The following SYT16 variants were observed in gnomAD, a reference collection of about 807,000 sequenced individuals.
SYT16 encodes synaptotagmin-16.
SYT16 carries 42 observed loss-of-function variants against 61.4 expected under a neutral mutation model. The ratio of observed to expected loss-of-function variants is 0.68; its 90% confidence interval spans 0.53 to 0.89. The LOEUF (loss-of-function observed/expected upper bound fraction) is 0.89, where lower values mean the gene tolerates loss of function less well. Ranked by LOEUF, SYT16 falls within the 40% of genes least tolerant of loss-of-function variation. SYT16 has a pLI of 0.00. For missense variants in SYT16, 804 were observed against 807.3 expected (o/e 1.00, Z 0.05); for synonymous variants, 314 against 302.3 (o/e 1.04, Z -0.40).
intron 1 of SYT16, among the ~76,000 whole-genome samples, chr14:61,945,948 C>G (rs986893584): frequency 7.0e-6 from 1 of 142,262 alleles, no homozygotes; most frequent in African/African-American, 2.5e-5. Flanking sequence ...TCTCAGCAAA[C>G]TAACACATGA....
intron 1 of SYT16, among the ~76,000 whole-genome samples, chr14:61,867,669 C>T (rs1486035952): frequency 6.6e-6 from 1 of 152,004 alleles, no homozygotes; most frequent in African/African-American, 2.4e-5. Context: ...CTATTTACAT[C>T]AGCATAAGAA....
chr14:62,085,313 T>C (rs1443147188), intron 7 of SYT16, among the ~76,000 whole-genome samples: 1 of 152,160 alleles, frequency 6.6e-6, no homozygotes, highest in Non-Finnish European at 1.5e-5. Context: ...ATACACCTAA[T>C]TGGAGGACTT....
At chr14:62,055,731 G>C (rs906623832) in intron 3 of SYT16, among the ~76,000 whole-genome samples, 13 of 152,196 alleles carry the variant, frequency 8.5e-5, no homozygotes, top group African/African-American at 3.1e-4. Flanking sequence ...AGGTGTATTA[G>C]TCAGGGTCCT....
chr14:62,028,526 C>G (rs1009685830), intron 3 of SYT16, among the ~76,000 whole-genome samples: 6 of 152,150 alleles, frequency 3.9e-5, no homozygotes, highest in African/African-American at 1.4e-4. Flanking sequence ...TCTCTCTATA[C>G]AGAATTAACT....
Position 62,084,177 on chromosome 14 carries a change from T to C in SYT16, c.1435-19T>C. 2.5e-6 allele frequency: 4 copies of C among 1,609,256 alleles called. No homozygotes were observed. The highest frequency in any genetic ancestry group is 3.4e-6 in the Non-Finnish European group (4 of 1,178,684). On this transcript the variant is annotated intron_variant, in intron 6 of 7. Transcript: ENST00000683842. Reference sequence around the variant, plus strand: ...GTGCAGCGTGGGCCAATGGATTCTTTGTTGTTCTTCCCCTCCAGAGTGGAG... The same window carrying C: ...GTGCAGCGTGGGCCAATGGATTCTTCGTTGTTCTTCCCCTCCAGAGTGGAG...
rs545245751 is a variant in SYT16, at chr14:61,918,418, G to T, written c.-324-51714G>T. Among the ~76,000 whole-genome samples, 12 of 152,198 alleles carry T rather than the reference G, an allele frequency of 7.9e-5. No individual in the cohort carries two copies. The South Asian group carries it at 2.3e-3, about 29-fold the overall frequency. On this transcript the variant is annotated intron_variant, in intron 1 of 7. Transcript: ENST00000683842. Reference sequence around the variant, plus strand: ...AGGTGGTGATGGCTGCAAACACCTGGAAGAAAAGAGGGGAAATACAGAAGA... The same window carrying T: ...AGGTGGTGATGGCTGCAAACACCTGTAAGAAAAGAGGGGAAATACAGAAGA...
chr14:61,938,418 T>C (rs1469566944), intron 1 of SYT16, among the ~76,000 whole-genome samples: 2 of 151,980 alleles, frequency 1.3e-5, no homozygotes, highest in African/African-American at 4.8e-5. Context: ...ACAGTTCACC[T>C]TCAGGGTTGG....
At chr14:62,062,614 G>A (rs1331748451) in intron 3 of SYT16, among the ~76,000 whole-genome samples, 1 of 152,090 alleles carries the variant, frequency 6.6e-6, no homozygotes, top group East Asian at 1.9e-4. Flanking sequence ...GCCAGATTGT[G>A]CTTTTAGAAA....
intron 1 of SYT16, among the ~76,000 whole-genome samples, chr14:61,817,012 CA>C (rs2045458765): frequency 8.1e-6 from 1 of 124,020 alleles, no homozygotes; most frequent in Non-Finnish European, 1.8e-5. Context: ...CTCCGTCACA[CA>C]CACACACACA....
intron 1 of SYT16, among the ~76,000 whole-genome samples, chr14:61,842,764 G>A (rs1360103721): frequency 2.6e-5 from 4 of 151,220 alleles, no homozygotes; most frequent in Non-Finnish European, 3.0e-5. Context: ...ATCACACACC[G>A]GGGACTGTTA....
intron 3 of SYT16, among the ~76,000 whole-genome samples, chr14:62,049,320 A>G (rs1399750615): frequency 2.6e-5 from 4 of 151,738 alleles, no homozygotes; most frequent in African/African-American, 9.7e-5. Context: ...TTTGTTTTCC[A>G]TTTGCTTGGT....
chr14:62,110,109 C>G lies in SYT16; in HGVS notation c.*9402C>G, dbSNP rs529374294. 1 of 152,080 alleles carries G rather than the reference C, an allele frequency of 6.6e-6. No homozygotes were observed. Among genetic ancestry groups the G allele is most frequent in the Non-Finnish European group, 1.5e-5 (1 of 67,990 alleles). The allele number at this position is 152,080 out of a possible 1,614,324, so 9.4% of individuals were successfully genotyped here. ...CTTCTGACTGCCCTTTGCTTTGTAG[C>G]TACAGCAACTTGCAGAACCTGGCAT... On this transcript the variant is annotated 3_prime_UTR_variant, in exon 8 of 8. Transcript: ENST00000683842.
chr14:61,840,156 G>A lies in SYT16; in HGVS notation c.-325+27346G>A, dbSNP rs1284432844. Reference sequence around the variant, plus strand: ...TTTTTCAAGTTTAGACAACTGGTGGGATGAAAATCACATTGAGACAGAAGA... The same window carrying A: ...TTTTTCAAGTTTAGACAACTGGTGGAATGAAAATCACATTGAGACAGAAGA... On this transcript the variant is annotated intron_variant, in intron 1 of 7. Coordinates refer to ENST00000683842, the MANE Select transcript of SYT16 (RefSeq NM_001367656.1). Among the ~76,000 whole-genome samples the A allele has an allele frequency of 3.3e-5, 5 of 152,146 alleles. No homozygotes were observed. The East Asian group carries it at 9.6e-4, about 29-fold the overall frequency.
intron 1 of SYT16, among the ~76,000 whole-genome samples, chr14:61,914,379 G>C (rs542215852): frequency 6.6e-6 from 1 of 152,274 alleles, no homozygotes; most frequent in South Asian, 2.1e-4. Flanking sequence ...ATCTCATTCA[G>C]TCCCATGCAC....
chr14:62,016,421 T>C (rs995620626), intron 3 of SYT16, among the ~76,000 whole-genome samples: 1 of 151,530 alleles, frequency 6.6e-6, no homozygotes, highest in East Asian at 1.9e-4. Context: ...TGGCCGGGTG[T>C]GGTGGCTCAC....
At chr14:61,843,698 CA>C (rs2046363045) in intron 1 of SYT16, among the ~76,000 whole-genome samples, 1 of 152,074 alleles carries the variant, frequency 6.6e-6, no homozygotes, top group Non-Finnish European at 1.5e-5. Flanking sequence ...CACCTTTGTC[CA>C]AAATGAGTTC....
chr14:62,086,953 C>T (rs185432502), intron 7 of SYT16, among the ~76,000 whole-genome samples: 2 of 152,298 alleles, frequency 1.3e-5, no homozygotes, highest in Admixed American at 6.5e-5. Flanking sequence ...AATGCTGGTA[C>T]TTGAGGAAAA....
intron 1 of SYT16, among the ~76,000 whole-genome samples, chr14:61,969,662 A>C (rs1257310160): frequency 6.6e-6 from 1 of 152,242 alleles, no homozygotes; most frequent in Non-Finnish European, 1.5e-5. Flanking sequence ...CTTTCCCTCC[A>C]ATCGCTAATA....
chr14:62,075,628 G>GA (rs902596567), intron 5 of SYT16, among the ~76,000 whole-genome samples: 30 of 129,806 alleles, frequency 2.3e-4, no homozygotes, highest in South Asian at 4.8e-4. Context: ...AAGAAAAAAA[G>GA]AAAAAAAAAT....
Sources: allele counts gnomAD v4.1 joint callset (sites outside exome capture counted in the v4.1 genomes callset), GRCh38; gene constraint gnomAD v4.1.1; transcripts MANE v1.5; gene names NCBI Gene and HGNC (gene_info 2026-07-23, HGNC 2026-07-21).